Variants in NOL9 observed in about 807,000 individuals in gnomAD.
NOL9 encodes nucleolar protein 9, also known as polynucleotide 5'-hydroxyl-kinase NOL9.
Under a neutral mutation model 67.9 loss-of-function variants are expected in NOL9, and 28 were observed. That is an observed-to-expected ratio of 0.41 (90% CI 0.31 to 0.57). The LOEUF (loss-of-function observed/expected upper bound fraction) is 0.57, where lower values mean the gene tolerates loss of function less well. Among genes scored for constraint, NOL9 ranks in the 20% least tolerant of loss-of-function variants. The pLI, the probability that NOL9 is intolerant of heterozygous loss-of-function variation, is 0.25. For missense variants in NOL9, 777 were observed against 897.0 expected (o/e 0.87, Z 1.71); for synonymous variants, 356 against 352.2 (o/e 1.01, Z -0.12).
rs1638872432 is a variant in NOL9 at position 6,525,889 on chromosome 1, A to G, written c.2074T>C (p.Tyr692His). The G allele has an allele frequency of 3.1e-6, 5 of 1,614,112 alleles. No homozygotes were observed. Among genetic ancestry groups the G allele is most frequent in the Middle Eastern group, 3.3e-4 (2 of 6,062 alleles). ...EPEEAHKEKPYRRPKFCRKMK is the reference protein window; with the variant it reads ...EPEEAHKEKPHRRPKFCRKMK ...TTTCGACAGAACTTAGGTCTTCGGT[A>G]TGGTTTCTCTTTATGTGCCTCCTCA... The change falls in exon 12 of 12, where the codon TAC becomes CAC. Residue 692 changes from tyrosine (Y) to histidine (H), a missense_variant. Transcript: ENST00000377705.
chr1:6,527,966 T>C (rs1638929620), intron 10 of NOL9, among the ~76,000 whole-genome samples: 1 of 152,166 alleles, frequency 6.6e-6, no homozygotes, highest in Non-Finnish European at 1.5e-5. Flanking sequence ...CCTTGATTGT[T>C]GGTGAGTACA....
rs1445341789 is a variant in NOL9 at position 6,523,947 on chromosome 1, T to C, written c.*1907A>G. 1 of 152,236 alleles carries C rather than the reference T, an allele frequency of 6.6e-6. No individual in the cohort carries two copies. Among genetic ancestry groups the C allele is most frequent in the Non-Finnish European group, 1.5e-5 (1 of 68,044 alleles). The allele number at this position is 152,236 out of a possible 1,614,324, so 9.4% of individuals were successfully genotyped here. Reference sequence around the variant, plus strand: ...CACCAGTTTCATTCTTCCAGAGCCTTGCTGCAAATGACCTCCAGTGAGTAT... The same window carrying C: ...CACCAGTTTCATTCTTCCAGAGCCTCGCTGCAAATGACCTCCAGTGAGTAT... On this transcript the variant is annotated 3_prime_UTR_variant, in exon 12 of 12. Coordinates refer to ENST00000377705, the MANE Select transcript of NOL9 (RefSeq NM_024654.5).
chr1:6,547,317 A>T (rs1466267376), intron 3 of NOL9, among the ~76,000 whole-genome samples: 2 of 152,070 alleles, frequency 1.3e-5, no homozygotes, highest in Non-Finnish European at 2.9e-5. Context: ...AAGGTTAACA[A>T]ATGGAAACCC....
Position 6,554,209 on chromosome 1 carries a change from T to G in NOL9, c.294A>C (p.Glu98Asp). Residue 98 changes from glutamate to aspartate, a missense_variant, in exon 1 of 12, where the codon GAA becomes GAC. By Grantham distance (45) the Glu-to-Asp change is conservative. Around this residue, in one of 2 missense-constraint regions of NOL9, gnomAD observed 364 missense variants for 344.4 expected, o/e 1.06. Coordinates refer to ENST00000377705, the MANE Select transcript of NOL9 (RefSeq NM_024654.5). Reference protein sequence around the residue: ...SPTPASEPESEPELESASSCH... With the variant: ...SPTPASEPESDPELESASSCH... ...AACTCGAGGCGGATTCGAGTTCGGGTTCGGACTCGGGTTCGGAGGCCGGGG... is the reference window on the plus strand; with the variant it reads ...AACTCGAGGCGGATTCGAGTTCGGGGTCGGACTCGGGTTCGGAGGCCGGGG... 6.6e-7 allele frequency: 1 copy of G among 1,519,948 alleles called. No individual in the cohort carries two copies. Among genetic ancestry groups the G allele is most frequent in the Non-Finnish European group, 8.8e-7 (1 of 1,133,028 alleles). 94.2% of individuals were successfully genotyped at this position (1,519,948 alleles called of 1,614,324 possible).
chr1:6,546,487 TC>T (rs1639424096), intron 3 of NOL9, among the ~76,000 whole-genome samples: 1 of 152,132 alleles, frequency 6.6e-6, no homozygotes, highest in South Asian at 2.1e-4. Flanking sequence ...TCTATCTGCT[TC>T]CCACACAGTG....
At chr1:6,533,927 G>A (rs1348519689) in intron 6 of NOL9, among the ~76,000 whole-genome samples, 1 of 146,418 alleles carries the variant, frequency 6.8e-6, no homozygotes, top group South Asian at 2.2e-4. Flanking sequence ...CACTCTTGTT[G>A]CCCAGGCTGG....
intron 8 of NOL9, 36 bp from the exon 9 acceptor site, chr1:6,532,115 T>C: frequency 6.5e-7 from 1 of 1,527,774 alleles, no homozygotes; most frequent in Non-Finnish European, 9.1e-7. Context: ...AGTAGACATT[T>C]AACCCTCAAC....
rs539753310 is a variant in NOL9 at position 6,524,079 on chromosome 1, G to T, written c.*1775C>A. On this transcript the variant is annotated 3_prime_UTR_variant, in exon 12 of 12. Transcript: ENST00000377705. The stretch of plus-strand genomic sequence containing the variant: ...AGTAAAACATCATATGAATGAGCCA[G>T]ATTTCAACATAAATAAGGGGCAACT... 6.6e-6 allele frequency: 1 copy of T among 152,292 alleles called. No individual in the cohort carries two copies. The highest frequency in any genetic ancestry group is 2.1e-4 in the South Asian group (1 of 4,828). The allele number at this position is 152,292 out of a possible 1,614,324, so 9.4% of individuals were successfully genotyped here.
chr1:6,546,390 A>T (rs1639422574), intron 3 of NOL9, among the ~76,000 whole-genome samples: 1 of 152,190 alleles, frequency 6.6e-6, no homozygotes, highest in African/African-American at 2.4e-5. Flanking sequence ...TCTGCAAAAG[A>T]CTAAAAGGCA....
intron 6 of NOL9, among the ~76,000 whole-genome samples, chr1:6,539,105 A>G (rs1639219518): frequency 6.6e-6 from 1 of 152,252 alleles, no homozygotes; most frequent in East Asian, 1.9e-4. Context: ...GTAAATGAAA[A>G]CCAACATGAG....
rs1639048575 is a variant in NOL9, at chr1:6,532,367, G to A, written c.1535+96C>T. 4 of 1,159,146 alleles carry A rather than the reference G, an allele frequency of 3.5e-6. No individual in the cohort carries two copies. The East Asian group carries it at 9.4e-5, about 27-fold the overall frequency. The allele number at this position is 1,159,146 out of a possible 1,614,324, so 71.8% of individuals were successfully genotyped here. A position where few individuals can be genotyped will look rare whatever the true frequency, so the allele number is the denominator to read the frequency against. On this transcript the variant is annotated intron_variant, in intron 8 of 11. Coordinates refer to ENST00000377705, the MANE Select transcript of NOL9 (RefSeq NM_024654.5). ...TGCACAGCTGTGACAGGGACCTGAA[G>A]ATCTTAGAGGACTCAGGCCTTTAGA... is the stretch of plus-strand genomic sequence containing the variant.
In NOL9 at chr1:6,521,846, C is replaced by A. The variant is rs1638776621; in HGVS notation, c.*4008G>T. 6.6e-6 allele frequency: 1 copy of A among 152,208 alleles called. No individual in the cohort carries two copies. The highest frequency in any genetic ancestry group is 2.1e-4 in the South Asian group (1 of 4,830). The allele number at this position is 152,208 out of a possible 1,614,324, so 9.4% of individuals were successfully genotyped here. Reference sequence around the variant, plus strand: ...CTACATGCCGGAGACTGTGCTACATCTCTTATAGACATGACTTCACTTACT... The same window carrying A: ...CTACATGCCGGAGACTGTGCTACATATCTTATAGACATGACTTCACTTACT... On this transcript the variant is annotated 3_prime_UTR_variant, in exon 12 of 12. Coordinates refer to ENST00000377705, the MANE Select transcript of NOL9 (RefSeq NM_024654.5).
chr1:6,530,897 G>A (rs147387615), intron 9 of NOL9, among the ~76,000 whole-genome samples: 120 of 152,306 alleles, frequency 7.9e-4, no homozygotes, highest in African/African-American at 2.6e-3. Context: ...GGCGTCCTGC[G>A]GCTTCAGTCC....
chr1:6,550,091 G>C (rs759897808), intron 2 of NOL9, among the ~76,000 whole-genome samples: 2 of 152,044 alleles, frequency 1.3e-5, no homozygotes, highest in Non-Finnish European at 2.9e-5. Flanking sequence ...GAGTGCAGTG[G>C]CGTGATCTCG....
intron 10 of NOL9, among the ~76,000 whole-genome samples, chr1:6,528,670 G>A (rs1018041118): frequency 6.6e-6 from 1 of 152,218 alleles, no homozygotes; most frequent in Non-Finnish European, 1.5e-5. Context: ...AGCTGTGTTG[G>A]AGGACACTGC....
At chr1:6,541,660 C>T (rs1166132047) in intron 6 of NOL9, among the ~76,000 whole-genome samples, 170 bp downstream of exon 6, 2 of 152,080 alleles carry the variant, frequency 1.3e-5, no homozygotes, top group African/African-American at 4.8e-5. Flanking sequence ...TGAGAAAGCA[C>T]CATAGTTTGT....
Position 6,550,538 on chromosome 1 carries a change from T to C in NOL9, c.474A>G (p.Gln158=). Reference sequence around the variant, plus strand: ...AGAAGATGTCTTGGGCAGGCTGGCCTTGGCTGATGGTAAAACCAAATACCT... The same window carrying C: ...AGAAGATGTCTTGGGCAGGCTGGCCCTGGCTGATGGTAAAACCAAATACCT... The part of the protein sequence containing the change: ...QVQVFGFTIS[Q]GQPAQDIFSV... Residue 158 remains glutamine (Q), a synonymous_variant, in exon 2 of 12, where the codon CAA becomes CAG. Coordinates refer to ENST00000377705, the MANE Select transcript of NOL9 (RefSeq NM_024654.5). 1 of 1,614,102 alleles carries C rather than the reference T, an allele frequency of 6.2e-7. No homozygotes were observed. Among genetic ancestry groups the C allele is most frequent in the Non-Finnish European group, 8.5e-7 (1 of 1,180,016 alleles).
In NOL9 at chr1:6,524,422, C is replaced by T. The variant is rs991736494; in HGVS notation, c.*1432G>A. 3.3e-5 allele frequency: 5 copies of T among 152,194 alleles called. No individual in the cohort carries two copies. Among genetic ancestry groups the T allele is most frequent in the African/African-American group, 1.2e-4 (5 of 41,446 alleles). The allele number at this position is 152,194 out of a possible 1,614,324, so 9.4% of individuals were successfully genotyped here. A position where few individuals can be genotyped will look rare whatever the true frequency, so the allele number is the denominator to read the frequency against. On this transcript the variant is annotated 3_prime_UTR_variant, in exon 12 of 12. Coordinates refer to ENST00000377705, the MANE Select transcript of NOL9 (RefSeq NM_024654.5). ...GAAATGATGTGACCTGGTCCCATCACCCGTTTACACAAACCACTTCCAACC... is the reference window on the plus strand; with the variant it reads ...GAAATGATGTGACCTGGTCCCATCATCCGTTTACACAAACCACTTCCAACC...
At chr1:6,548,588 C>G (rs771700943) in intron 3 of NOL9, 5 of 384,248 alleles carry the variant, frequency 1.3e-5, no homozygotes, top group Admixed American at 5.8e-5. Flanking sequence ...TGTAAAAGTG[C>G]TGAAGGCACA....
Sources: allele counts gnomAD v4.1 joint callset (sites outside exome capture counted in the v4.1 genomes callset), GRCh38; gene constraint gnomAD v4.1.1; regional missense constraint gnomAD v4.1.1; transcripts MANE v1.5; gene names NCBI Gene and HGNC (gene_info 2026-07-23, HGNC 2026-07-21).